ATP2A3: variants seen among roughly 807,000 people sequenced by gnomAD.
The protein encoded by ATP2A3 is sarcoplasmic/endoplasmic reticulum calcium ATPase 3.
A neutral mutation model predicts 106.8 loss-of-function variants in ATP2A3; 61 were observed. The observed-to-expected ratio is 0.57, with a 90% CI of 0.46 to 0.71. ATP2A3 has a LOEUF of 0.71. ATP2A3 is among the 30% of genes least tolerant of loss of function. The probability of loss-of-function intolerance (pLI) is 0.00; values close to 1 mark genes in which losing one functional copy is unlikely to be tolerated. For synonymous variants in ATP2A3, 611 were observed against 609.3 expected, an observed-to-expected ratio of 1.00 and a Z score of -0.04; for missense variants, 1,201 against 1,423.5, an observed-to-expected ratio of 0.84 and a Z score of 2.52.
At position 3,941,234 on chromosome 17, in the gene ATP2A3, G is replaced by A. The variant is rs201177219; in HGVS notation, c.1837C>T (p.Arg613Cys). 9.3e-6 allele frequency: 15 copies of A among 1,613,960 alleles called. No homozygotes were observed. Among genetic ancestry groups the A allele is most frequent in the South Asian group, 7.7e-5 (7 of 91,094 alleles). Reference sequence around the variant, plus strand: ...ACGCGGATGCCCGCCTGGTAGCAGCGTGTGATGCAGGCAGCCACCTCAGGT... The same window carrying A: ...ACGCGGATGCCCGCCTGGTAGCAGCATGTGATGCAGGCAGCCACCTCAGGT... Reference protein sequence around the residue: ...PRPEVAACITRCYQAGIRVVM... With the variant: ...PRPEVAACITCCYQAGIRVVM... Residue 613 changes from arginine to cysteine, a missense_variant, in exon 14 of 21, where the codon CGC (arginine) becomes TGC (cysteine). Transcript: ENST00000397041.
chr17:3,938,776 A>AT (rs1287067328), intron 14 of ATP2A3, among the ~76,000 whole-genome samples: 1 of 152,054 alleles, frequency 6.6e-6, no homozygotes, highest in Non-Finnish European at 1.5e-5. Context: ...ACCTCAGGTG[A>AT]TCTGCCCGCC....
rs73971718 is a variant in ATP2A3 at position 3,927,522 on chromosome 17, G to A, written c.2980+1141C>T. 0.013 allele frequency: 12,894 copies of A among 985,356 alleles called. 1,256 individuals carry two copies. In the African/African-American group the frequency reaches 0.21, roughly 16 times the overall value. The allele number at this position is 985,356 out of a possible 1,614,324, so 61.0% of individuals were successfully genotyped here. ...AAGGGCGGCTGGAGGATTTCCTGGCGGACCGGCCCGGTGCTCCGGCCAGTG... is the reference window on the plus strand; with the variant it reads ...AAGGGCGGCTGGAGGATTTCCTGGCAGACCGGCCCGGTGCTCCGGCCAGTG... On this transcript the variant is annotated intron_variant, in intron 20 of 20. Transcript: ENST00000397041.
In ATP2A3 at chr17:3,937,568, G is replaced by T; in HGVS notation, c.2169C>A (p.Gly723=). The change falls in exon 15 of 21, where the codon GGC becomes GGA. Residue 723 remains glycine (G), a synonymous_variant. Coordinates refer to ENST00000397041, the MANE Select transcript of ATP2A3 (RefSeq NM_005173.4). The part of the protein sequence containing the change: ...KAEIGIAMGS[G]TAVAKSAAEM... ...CTGCCGCCGACTTGGCCACGGCCGTGCCTGAGCCCATGGCGATGCCGATCT... is the reference window on the plus strand; with the variant it reads ...CTGCCGCCGACTTGGCCACGGCCGTTCCTGAGCCCATGGCGATGCCGATCT... 6.2e-7 allele frequency: 1 copy of T among 1,614,140 alleles called. No individual in the cohort carries two copies. The highest frequency in any genetic ancestry group is 8.5e-7 in the Non-Finnish European group (1 of 1,180,032).
intron 17 of ATP2A3, among the ~76,000 whole-genome samples, chr17:3,934,518 G>A (rs749384662): frequency 8.9e-4 from 108 of 121,598 alleles, no homozygotes; most frequent in Non-Finnish European, 1.3e-3. Flanking sequence ...GCCTCCCCTC[G>A]ATTCTTTTTT....
At chr17:3,944,997 C>T in intron 9 of ATP2A3, 63 bp downstream of exon 9, 1 of 1,358,290 alleles carries the variant, frequency 7.4e-7, no homozygotes, top group East Asian at 3.3e-5. Flanking sequence ...GCCACCTCGG[C>T]GCCGCCACGC....
intron 8 of ATP2A3, among the ~76,000 whole-genome samples, chr17:3,946,615 G>A (rs551306149): frequency 2.0e-5 from 3 of 152,250 alleles, no homozygotes; most frequent in African/African-American, 7.2e-5. Context: ...ATCCTATGAG[G>A]GCTTTTAGCA....
At position 3,953,378 on chromosome 17, in the gene ATP2A3, C is replaced by T. The variant is rs751169106; in HGVS notation, c.188G>A (p.Arg63His). The change falls in exon 3 of 21, where the codon CGC (arginine) becomes CAC (histidine). Residue 63 changes from arginine (R) to histidine (H), a missense_variant. Physicochemically the swap from Arg to His is conservative, Grantham distance 29 (BLOSUM62 0). Transcript: ENST00000397041. This position sits in a 1 kb window ranked among gnomAD's most constrained non-coding sequence, Gnocchi z 5.1. ...GACAAGGGCAGCCAGCAGCAGGATGCGCACCAGGAGGTCCTCAAACTGTTC... is the reference window on the plus strand; with the variant it reads ...GACAAGGGCAGCCAGCAGCAGGATGTGCACCAGGAGGTCCTCAAACTGTTC... The part of the protein sequence containing the change: ...VLEQFEDLLV[R>H]ILLLAALVSF... 1.4e-5 allele frequency: 22 copies of T among 1,613,898 alleles called. No homozygotes were observed. The highest frequency in any genetic ancestry group is 8.0e-5 in the African/African-American group (6 of 74,914).
intron 1 of ATP2A3, among the ~76,000 whole-genome samples, chr17:3,959,505 C>T (rs999459545): frequency 1.3e-5 from 2 of 152,192 alleles, no homozygotes; most frequent in Non-Finnish European, 2.9e-5. Flanking sequence ...GGGGGGTAAG[C>T]GATGCCCCTG....
chr17:3,962,287 G>A (rs2055184417), intron 1 of ATP2A3, among the ~76,000 whole-genome samples: 1 of 152,210 alleles, frequency 6.6e-6, no homozygotes, highest in Non-Finnish European at 1.5e-5. Flanking sequence ...CGGGCAAGTG[G>A]TTTAACCTCT....
intron 20 of ATP2A3, chr17:3,927,316 C>G (rs2144190748): frequency 1.0e-6 from 1 of 985,476 alleles, no homozygotes; most frequent in African/African-American, 1.7e-5. Context: ...ATAATTTTCT[C>G]ACTTTTAAGT....
Position 3,936,600 on chromosome 17 carries a change from C to T in ATP2A3, c.2322-131G>A. 2 of 968,834 alleles carry T rather than the reference C, an allele frequency of 2.1e-6. No homozygotes were observed. Among genetic ancestry groups the T allele is most frequent in the Non-Finnish European group, 3.2e-6 (2 of 619,038 alleles). The allele number at this position is 968,834 out of a possible 1,614,324, so 60.0% of individuals were successfully genotyped here. A position where few individuals can be genotyped will look rare whatever the true frequency, so the allele number is the denominator to read the frequency against. ...TCCACAGCAGCCCCTCCTCCCTCCGCCAGCTGTGATGTGAAGGGTGTGTGT... is the reference window on the plus strand; with the variant it reads ...TCCACAGCAGCCCCTCCTCCCTCCGTCAGCTGTGATGTGAAGGGTGTGTGT... On this transcript the variant is annotated intron_variant, in intron 15 of 20. Coordinates refer to ENST00000397041, the MANE Select transcript of ATP2A3 (RefSeq NM_005173.4). This position sits in a 1 kb window ranked among gnomAD's most constrained non-coding sequence, Gnocchi z 5.4.
chr17:3,944,994 C>G, intron 9 of ATP2A3, 66 bp downstream of exon 9: 2 of 1,351,256 alleles, frequency 1.5e-6, no homozygotes, highest in Non-Finnish European at 1.9e-6. Context: ...ACGGCCACCT[C>G]GGCGCCGCCA....
chr17:3,926,078 C>T lies in ATP2A3; in HGVS notation c.2981-637G>A, dbSNP rs1285470933. Among the ~76,000 whole-genome samples the T allele has an allele frequency of 6.6e-6, 1 of 152,162 alleles. No homozygotes were observed. Among genetic ancestry groups the T allele is most frequent in the African/African-American group, 2.4e-5 (1 of 41,432 alleles). ...GCCTCCCCTGACAACTGCTCAGCCA[C>T]ACCTGGGCAGAGCCAGGAGGTGGGG... On this transcript the variant is annotated intron_variant, in intron 20 of 20. Transcript: ENST00000397041. This position sits in a 1 kb window ranked among gnomAD's most constrained non-coding sequence, Gnocchi z 4.6.
intron 14 of ATP2A3, among the ~76,000 whole-genome samples, chr17:3,940,039 TTTTGTTTTTTG>T (rs1374397127): frequency 1.3e-4 from 12 of 93,136 alleles, no homozygotes; most frequent in African/African-American, 4.9e-4. Flanking sequence ...ATCTTTTTTT[TTTTGTTTTTTG>T]TTTTTTTTTT....
intron 20 of ATP2A3, chr17:3,927,494 G>C: frequency 1.0e-6 from 1 of 985,404 alleles, no homozygotes; most frequent in Non-Finnish European, 1.2e-6. Flanking sequence ...AGTGAGTGTG[G>C]TCAAGGGCGG....
chr17:3,927,230 C>G (rs891166367), intron 20 of ATP2A3: 7 of 985,358 alleles, frequency 7.1e-6, no homozygotes, highest in Non-Finnish European at 8.4e-6. Flanking sequence ...GAATCCTCCA[C>G]CATCCAGCAG....
At chr17:3,963,973 C>A (rs1042459080) in intron 1 of ATP2A3, among the ~76,000 whole-genome samples, 1 of 152,086 alleles carries the variant, frequency 6.6e-6, no homozygotes, top group Non-Finnish European at 1.5e-5. Context: ...AGCTGGAACC[C>A]GCTCCCAGCC....
rs369210809 is a variant in ATP2A3 at position 3,932,999 on chromosome 17, C to T, written c.2610+2193G>A. Among the ~76,000 whole-genome samples the T allele has an allele frequency of 4.6e-5, 7 of 151,736 alleles. No homozygotes were observed. In the East Asian group the frequency reaches 9.7e-4, roughly 21 times the overall value. ...CCAACAAGATCATGTCAGGATGTTT[C>T]GGCCGGGCACGGTGGCTCACGCCTG... On this transcript the variant is annotated intron_variant, in intron 17 of 20. Coordinates refer to ENST00000397041, the MANE Select transcript of ATP2A3 (RefSeq NM_005173.4).
Position 3,925,355 on chromosome 17 carries a change from C to T in ATP2A3, c.*67G>A, listed in dbSNP as rs778919487. 9.9e-6 allele frequency: 16 copies of T among 1,613,050 alleles called. No homozygotes were observed. The highest frequency in any genetic ancestry group is 6.7e-5 in the East Asian group (3 of 44,864). On this transcript the variant is annotated 3_prime_UTR_variant, in exon 21 of 21. Transcript: ENST00000397041. This position sits in a 1 kb window ranked among gnomAD's most constrained non-coding sequence, Gnocchi z 4.2. Reference sequence around the variant, plus strand: ...CGAGTGTGGTGGCAAGGGTGGGGGGCGGAGGCGAACACATGGGCACCATCA... The same window carrying T: ...CGAGTGTGGTGGCAAGGGTGGGGGGTGGAGGCGAACACATGGGCACCATCA...
Sources: allele counts gnomAD v4.1 joint callset (sites outside exome capture counted in the v4.1 genomes callset), GRCh38; gene constraint gnomAD v4.1.1; non-coding constraint Gnocchi (gnomAD v3.1); transcripts MANE v1.5; gene names NCBI Gene and HGNC (gene_info 2026-07-23, HGNC 2026-07-21).